The following RNF150 variants were observed in gnomAD, a reference collection of about 807,000 sequenced individuals.
RNF150 encodes the protein ring finger protein 150.
A neutral mutation model predicts 39.3 loss-of-function variants in RNF150; 24 were observed. The observed-to-expected ratio is 0.61, with a 90% CI of 0.44 to 0.86. The LOEUF is 0.86. RNF150 is among the 40% of genes least tolerant of loss of function. The pLI is 0.00. For synonymous variants in RNF150, 255 were observed against 227.3 expected (o/e 1.12, Z -1.10); for missense variants, 502 against 587.8 (o/e 0.85, Z 1.51).
At chr4:140,965,729 A>C (rs2111417734) in intron 2 of RNF150, among the ~76,000 whole-genome samples, 1 of 152,266 alleles carries the variant, frequency 6.6e-6, no homozygotes, top group African/African-American at 2.4e-5. Flanking sequence ...AGAGATAGAG[A>C]ATAAACAAGC....
intron 1 of RNF150, among the ~76,000 whole-genome samples, chr4:141,099,680 T>C (rs923850978): frequency 3.3e-5 from 5 of 152,046 alleles, no homozygotes; most frequent in African/African-American, 9.7e-5. Flanking sequence ...GGGGAGTAGA[T>C]GGATAAATGA....
chr4:141,201,821 T>A (rs1728297127), intron 1 of RNF150, among the ~76,000 whole-genome samples: 1 of 152,202 alleles, frequency 6.6e-6, no homozygotes, highest in African/African-American at 2.4e-5. Context: ...AGAAACCTTG[T>A]GCTATGGTCT....
chr4:141,177,054 G>GAAAAAAAAAAAAAA (rs5862514), intron 1 of RNF150, among the ~76,000 whole-genome samples: 2 of 111,700 alleles, frequency 1.8e-5, no homozygotes, highest in Non-Finnish European at 1.8e-5. Flanking sequence ...TGTCTCCTAG[G>GAAAAAAAAAAAAAA]AAAAAAAAAA....
chr4:141,187,370 C>T (rs189164093), intron 1 of RNF150, among the ~76,000 whole-genome samples: 1 of 152,306 alleles, frequency 6.6e-6, no homozygotes, highest in African/African-American at 2.4e-5. Context: ...ATTAGGTCCT[C>T]TTGCTCCAGA....
chr4:140,934,968 C>T (rs1731779387), intron 4 of RNF150, among the ~76,000 whole-genome samples: 1 of 137,518 alleles, frequency 7.3e-6, no homozygotes, highest in Non-Finnish European at 1.5e-5. Context: ...GAGTAGAGTG[C>T]TTTTGAAAGT....
At chr4:140,891,745 A>G (rs184308426) in intron 6 of RNF150, among the ~76,000 whole-genome samples, 22 of 152,266 alleles carry the variant, frequency 1.4e-4, no homozygotes, top group Non-Finnish European at 2.8e-4. Flanking sequence ...GTACCAGTCC[A>G]TGGTCTGTTA....
At chr4:140,925,299 G>A (rs1731346588) in intron 5 of RNF150, among the ~76,000 whole-genome samples, 1 of 152,166 alleles carries the variant, frequency 6.6e-6, no homozygotes, top group Non-Finnish European at 1.5e-5. Flanking sequence ...ATACAGTTCT[G>A]GGAAAGTCTC....
chr4:141,017,589 T>C (rs1735327612), intron 1 of RNF150, among the ~76,000 whole-genome samples: 1 of 152,218 alleles, frequency 6.6e-6, no homozygotes, highest in South Asian at 2.1e-4. Context: ...TAATGACATA[T>C]ATTTACCATT....
intron 1 of RNF150, among the ~76,000 whole-genome samples, chr4:141,089,727 T>A (rs1439386659): frequency 6.6e-6 from 1 of 152,208 alleles, no homozygotes; most frequent in African/African-American, 2.4e-5. Context: ...GATACTCCCA[T>A]AATCTAATTT....
chr4:141,065,230 T>C (rs1016337681), intron 1 of RNF150, among the ~76,000 whole-genome samples: 1 of 152,182 alleles, frequency 6.6e-6, no homozygotes, highest in Non-Finnish European at 1.5e-5. Context: ...AGCTTGCTTG[T>C]CTACAATCAG....
intron 1 of RNF150, among the ~76,000 whole-genome samples, chr4:141,203,884 T>C (rs1728333323): frequency 6.6e-6 from 1 of 152,014 alleles, no homozygotes; most frequent in Non-Finnish European, 1.5e-5. Context: ...AAAAAAGTTC[T>C]TCTCTAGACC....
intron 1 of RNF150, among the ~76,000 whole-genome samples, chr4:141,097,447 TAAAATAA>T (rs1160933382): frequency 6.6e-6 from 1 of 152,196 alleles, no homozygotes; most frequent in African/African-American, 2.4e-5. Context: ...ATAATAACTA[TAAAATAA>T]AATACTAAGT....
intron 1 of RNF150, among the ~76,000 whole-genome samples, chr4:141,162,048 T>A (rs1373776207): frequency 1.3e-5 from 2 of 152,202 alleles, no homozygotes; most frequent in African/African-American, 2.4e-5. Context: ...AGAGGGCCAC[T>A]GTCCTCCAGG....
chr4:141,184,012 G>T (rs1727958452), intron 1 of RNF150, among the ~76,000 whole-genome samples: 1 of 151,990 alleles, frequency 6.6e-6, no homozygotes, highest in Non-Finnish European at 1.5e-5. Flanking sequence ...TAATCCTTTG[G>T]GTATATACCC....
chr4:140,996,305 G>T (rs1294767551), intron 1 of RNF150, among the ~76,000 whole-genome samples: 1 of 151,856 alleles, frequency 6.6e-6, no homozygotes, highest in East Asian at 1.9e-4. Context: ...AGATTTTTTA[G>T]CCCATTTTTA....
At chr4:141,147,364 A>C (rs354938) in intron 1 of RNF150, among the ~76,000 whole-genome samples, 128,505 of 152,186 alleles carry the variant, frequency 0.84, 58,420 homozygotes, top group Non-Finnish European at 1. Flanking sequence ...TCAAAGTCTG[A>C]TGCTGAAGTT....
chr4:141,011,452 G>A lies in RNF150; in HGVS notation c.485-43579C>T, dbSNP rs1479179820. On this transcript the variant is annotated intron_variant, in intron 1 of 6. Transcript: ENST00000515673. ...TTAGAAACACAGCTGTCAGAATATCGGATTTATTTACTTACTTATTTTGAG... is the reference window on the plus strand; with the variant it reads ...TTAGAAACACAGCTGTCAGAATATCAGATTTATTTACTTACTTATTTTGAG... Among the ~76,000 whole-genome samples the A allele has an allele frequency of 5.3e-5, 8 of 152,114 alleles. No individual in the cohort carries two copies. The East Asian group carries it at 7.7e-4, about 15-fold the overall frequency.
chr4:141,107,026 C>A (rs1739234647), intron 1 of RNF150, among the ~76,000 whole-genome samples: 1 of 152,004 alleles, frequency 6.6e-6, no homozygotes. Flanking sequence ...GGTTAAGATT[C>A]TAAGGCCAAT....
intron 1 of RNF150, among the ~76,000 whole-genome samples, chr4:140,999,957 G>A (rs1448886480): frequency 5.5e-5 from 2 of 36,108 alleles, no homozygotes; most frequent in Non-Finnish European, 1.5e-4. Flanking sequence ...AGAAGAAGAA[G>A]AAGAAGAAGA....
Sources: gnomAD v4.1 joint callset for allele counts (sites outside exome capture counted in the v4.1 genomes callset) on GRCh38, gnomAD v4.1.1 for gene constraint, MANE v1.5 for transcripts, NCBI Gene and HGNC (gene_info 2026-07-23, HGNC 2026-07-21) for gene names.